The following C5orf63 variants were observed in gnomAD, a reference collection of about 807,000 sequenced individuals.
C5orf63 encodes the protein chromosome 5 open reading frame 63.
C5orf63 carries 18 observed loss-of-function variants against 13.3 expected under a neutral mutation model. The ratio of observed to expected loss-of-function variants is 1.36; its 90% confidence interval spans 0.94 to 2.01. The LOEUF (loss-of-function observed/expected upper bound fraction) is 2.01. Among genes scored for constraint, C5orf63 ranks in the 30% most tolerant of loss-of-function variants. The pLI, the probability that C5orf63 is intolerant of heterozygous loss-of-function variation, is 0.00. For missense variants in C5orf63, 118 were observed against 127.7 expected, an observed-to-expected ratio of 0.92 and a Z score of 0.36; for synonymous variants, 38 against 44.7, an observed-to-expected ratio of 0.85 and a Z score of 0.60.
At chr5:127,055,302 A>G (rs12518420) in intron 3 of C5orf63, among the ~76,000 whole-genome samples, 3,113 of 152,310 alleles carry the variant, frequency 0.02, 76 homozygotes, top group South Asian at 0.12. Context: ...TTGCCAAGAC[A>G]ATCCTAAGCA....
intron 2 of C5orf63, among the ~76,000 whole-genome samples, chr5:127,062,308 T>C (rs1422382996): frequency 1.3e-5 from 2 of 152,226 alleles, no homozygotes; most frequent in African/African-American, 2.4e-5. Flanking sequence ...TTATTCTCCA[T>C]TTCTAGTTTT....
intron 2 of C5orf63, among the ~76,000 whole-genome samples, chr5:127,062,098 T>A (rs997401773): frequency 2.0e-5 from 3 of 152,258 alleles, no homozygotes; most frequent in Admixed American, 2.0e-4. Flanking sequence ...ACAAAGGAAA[T>A]CTGCTTCAGT....
At chr5:127,049,738 G>T (rs1296592284), downstream of C5orf63, among the ~76,000 whole-genome samples, 1 of 152,192 alleles carries the variant, frequency 6.6e-6, no homozygotes, top group Non-Finnish European at 1.5e-5. Context: ...CATATTTATT[G>T]TCTTTCAGTT....
intron 2 of C5orf63, among the ~76,000 whole-genome samples, chr5:127,069,759 T>C (rs1754464306): frequency 6.6e-6 from 1 of 152,236 alleles, no homozygotes; most frequent in Admixed American, 6.5e-5. Context: ...TTCTACAATC[T>C]TTTGAGTCCT....
At chr5:127,058,717 A>G (rs996002885) in intron 3 of C5orf63, 165 bp downstream of exon 3, 8 of 582,750 alleles carry the variant, frequency 1.4e-5, no homozygotes, top group Non-Finnish European at 2.1e-5. Flanking sequence ...TTGGGAGATA[A>G]TAAGGTATCT....
chr5:127,071,318 G>A (rs1037881427), intron 2 of C5orf63, among the ~76,000 whole-genome samples: 2 of 152,162 alleles, frequency 1.3e-5, no homozygotes, highest in African/African-American at 4.8e-5. Context: ...TAGTAGGTAG[G>A]TTCTTTCAGT....
chr5:127,045,142 T>C (rs1753494860), downstream of C5orf63: 1 of 152,228 alleles, frequency 6.6e-6, no homozygotes, highest in Admixed American at 6.5e-5. Flanking sequence ...TCCACAAAAG[T>C]TGTTCTCAAT....
chr5:127,062,134 T>C (rs1465110848), intron 2 of C5orf63, among the ~76,000 whole-genome samples: 3 of 152,248 alleles, frequency 2.0e-5, no homozygotes, highest in South Asian at 4.1e-4. Flanking sequence ...AAACACAGCA[T>C]GTGGTCTTGG....
In C5orf63 at chr5:127,053,754, G is replaced by T. The variant is rs571482619; in HGVS notation, c.115-1085C>A. ...CAGCTTCATCCATGTACCTACAAAG[G>T]ACATGAACTCATCCTTTTTTATGGC... On this transcript the variant is annotated intron_variant, in intron 3 of 4. Transcript: ENST00000296662. Among the ~76,000 whole-genome samples, 10 of 152,258 alleles carry T rather than the reference G, an allele frequency of 6.6e-5. No individual in the cohort carries two copies. The South Asian group carries it at 1.9e-3, about 28-fold the overall frequency.
At chr5:127,053,106 A>G (rs1400760226) in intron 3 of C5orf63, among the ~76,000 whole-genome samples, 1 of 152,162 alleles carries the variant, frequency 6.6e-6, no homozygotes, top group Non-Finnish European at 1.5e-5. Context: ...TGTTTTTCCT[A>G]ATCAGTCCAC....
chr5:127,063,975 T>A (rs1754209071), intron 2 of C5orf63, among the ~76,000 whole-genome samples: 1 of 152,182 alleles, frequency 6.6e-6, no homozygotes, highest in Admixed American at 6.5e-5. Flanking sequence ...GAGGTTGCTC[T>A]TAGGGGACAC....
chr5:127,047,861 A>G, downstream of C5orf63: 1 of 703,676 alleles, frequency 1.4e-6, no homozygotes, highest in South Asian at 1.5e-5. Context: ...TGGGAAGGTG[A>G]GGAAGGGGAG....
At chr5:127,052,121 T>G (rs968995015) in intron 4 of C5orf63, among the ~76,000 whole-genome samples, 174 bp from the exon 5 acceptor site, 4 of 152,224 alleles carry the variant, frequency 2.6e-5, no homozygotes, top group Non-Finnish European at 5.9e-5. Flanking sequence ...CTGGTTTCAT[T>G]ATATTCTCTA....
At chr5:127,048,037 G>A (rs1753561572), downstream of C5orf63, 3 of 590,434 alleles carry the variant, frequency 5.1e-6, no homozygotes, top group South Asian at 6.3e-5. Context: ...GGTACAGGCT[G>A]TGCAGGTTAT....
At chr5:127,070,365 A>G (rs1172596184) in intron 2 of C5orf63, among the ~76,000 whole-genome samples, 1 of 152,172 alleles carries the variant, frequency 6.6e-6, no homozygotes, top group African/African-American at 2.4e-5. Flanking sequence ...TCATTTCCCC[A>G]TTATTTCATG....
At chr5:127,068,399 AATC>A (rs1053057214) in intron 2 of C5orf63, among the ~76,000 whole-genome samples, 18 of 152,154 alleles carry the variant, frequency 1.2e-4, no homozygotes, top group African/African-American at 4.1e-4. Flanking sequence ...TCTCACTCTC[AATC>A]ATAACTGGGA....
chr5:127,058,853 C>T (rs1753986883), intron 3 of C5orf63, 29 bp downstream of exon 3: 5 of 1,400,244 alleles, frequency 3.6e-6, no homozygotes, highest in Admixed American at 4.0e-5. Context: ...ACTTTCTTCA[C>T]CCAACAATTT....
chr5:127,049,313 C>A (rs1753600552), downstream of C5orf63, among the ~76,000 whole-genome samples: 1 of 152,186 alleles, frequency 6.6e-6, no homozygotes, highest in African/African-American at 2.4e-5. Flanking sequence ...TTTACTCCAG[C>A]CACACAAAGC....
intron 2 of C5orf63, among the ~76,000 whole-genome samples, chr5:127,065,187 G>A (rs1395397050): frequency 6.6e-6 from 1 of 152,184 alleles, no homozygotes; most frequent in African/African-American, 2.4e-5. Context: ...ACAGTGATTA[G>A]TGAATCAATG....
Sources: allele counts gnomAD v4.1 joint callset (sites outside exome capture counted in the v4.1 genomes callset), GRCh38; gene constraint gnomAD v4.1.1; transcripts MANE v1.5; gene names NCBI Gene and HGNC (gene_info 2026-07-23, HGNC 2026-07-21).